Variants in KDM4B observed in about 807,000 individuals in gnomAD.
The protein encoded by KDM4B is lysine-specific demethylase 4B.
A neutral mutation model predicts 125.2 loss-of-function variants in KDM4B; 32 were observed. The observed-to-expected ratio is 0.26, with a 90% CI of 0.19 to 0.34. The LOEUF is 0.34. Among genes scored for constraint, KDM4B ranks in the 10% least tolerant of loss-of-function variants. KDM4B has a pLI of 1.00. For missense variants in KDM4B, 1,190 were observed against 1,577.7 expected (o/e 0.75, Z 4.16); for synonymous variants, 721 against 677.9 (o/e 1.06, Z -0.99).
intron 8 of KDM4B, among the ~76,000 whole-genome samples, chr19:5,079,942 G>A (rs2038235864): frequency 6.6e-6 from 1 of 152,152 alleles, no homozygotes; most frequent in South Asian, 2.1e-4. Flanking sequence ...TCCCAGCGTA[G>A]TGGGGAGAAG....
intron 18 of KDM4B, 60 bp downstream of exon 18, chr19:5,138,130 G>A (rs2039681908): frequency 6.0e-6 from 8 of 1,326,608 alleles, no homozygotes; most frequent in Middle Eastern, 2.0e-4. Flanking sequence ...GGCCATGCTC[G>A]GCTCCCCACC....
intron 1 of KDM4B, among the ~76,000 whole-genome samples, chr19:4,986,165 T>C (rs1476610154): frequency 1.3e-5 from 2 of 152,182 alleles, no homozygotes; most frequent in Non-Finnish European, 2.9e-5. Flanking sequence ...GGGGTCCTGA[T>C]GTGCCCCGTG....
At chr19:5,125,449 T>A (rs2039432319) in intron 11 of KDM4B, among the ~76,000 whole-genome samples, 1 of 152,190 alleles carries the variant, frequency 6.6e-6, no homozygotes, top group South Asian at 2.1e-4. Context: ...GAGAGAAGCC[T>A]ACACCGCGTG....
At chr19:5,132,708 T>G (rs2039580274) in intron 13 of KDM4B, among the ~76,000 whole-genome samples, 1 of 145,936 alleles carries the variant, frequency 6.9e-6, no homozygotes, top group Non-Finnish European at 1.5e-5. Flanking sequence ...CTCTGGGGCC[T>G]CCGTGGACTC....
In KDM4B at chr19:5,135,401, A is replaced by G; in HGVS notation, c.2148A>G (p.Leu716=). 1 of 1,613,400 alleles carries G rather than the reference A, an allele frequency of 6.2e-7. No homozygotes were observed. The highest frequency in any genetic ancestry group is 8.5e-7 in the Non-Finnish European group (1 of 1,179,944). ...ASLGEGCPAT[L]PSKSRQKTRP... ...TCGGAGAGGGCTGCCCGGCCACATT[A>G]CCCTCCAAAAGCCGTCAGAAGACCC... Residue 716 remains leucine (L), a synonymous_variant, in exon 15 of 23, where the codon TTA becomes TTG. Coordinates refer to ENST00000159111, the MANE Select transcript of KDM4B (RefSeq NM_015015.3).
intron 9 of KDM4B, among the ~76,000 whole-genome samples, chr19:5,086,435 G>A (rs1014816074): frequency 2.6e-5 from 4 of 152,204 alleles, no homozygotes; most frequent in South Asian, 4.1e-4. Context: ...TGTGACAGCC[G>A]GACGAAACTG....
chr19:5,032,956 G>A lies in KDM4B; in HGVS notation c.66G>A (p.Met22Ile). 2.5e-6 allele frequency: 4 copies of A among 1,614,180 alleles called. No homozygotes were observed. The highest frequency in any genetic ancestry group is 3.4e-6 in the Non-Finnish European group (4 of 1,180,036). The change falls in exon 3 of 23, where the codon ATG (methionine) becomes ATA (isoleucine). Residue 22 changes from methionine to isoleucine, a missense_variant. Physicochemically the swap from Met to Ile is conservative, Grantham distance 10. Coordinates refer to ENST00000159111, the MANE Select transcript of KDM4B (RefSeq NM_015015.3). ...SCKIMTFRPT[M>I]EEFKDFNKYV... is the part of the protein sequence containing the mutation. ...AAATCATGACGTTTCGCCCAACCAT[G>A]GAAGAATTTAAAGACTTCAACAAAT...
intron 1 of KDM4B, among the ~76,000 whole-genome samples, chr19:5,012,057 T>G (rs115685805): frequency 6.6e-6 from 1 of 152,206 alleles, no homozygotes; most frequent in African/African-American, 2.4e-5. Flanking sequence ...TCCGATGCCT[T>G]GGGCTGTCAC....
intron 6 of KDM4B, among the ~76,000 whole-genome samples, chr19:5,059,572 C>A (rs1210520138): frequency 6.6e-6 from 1 of 152,198 alleles, no homozygotes; most frequent in East Asian, 1.9e-4. Context: ...AGACTTAGGT[C>A]ATAGGAACAG....
chr19:4,984,453 C>T (rs2034757482), intron 1 of KDM4B, among the ~76,000 whole-genome samples: 1 of 152,008 alleles, frequency 6.6e-6, no homozygotes, highest in Non-Finnish European at 1.5e-5. Context: ...ATGGGGCAGC[C>T]AGGTGGGTTG....
Position 5,001,943 on chromosome 19 carries a change from C to T in KDM4B, c.-108-14314C>T, listed in dbSNP as rs190276626. On this transcript the variant is annotated intron_variant, in intron 1 of 22. Transcript: ENST00000159111. ...GACTCTTTCCTCCTAACTTGAAACTCCAATATGTGAACCTCTGTGGTATGT... is the reference window on the plus strand; with the variant it reads ...GACTCTTTCCTCCTAACTTGAAACTTCAATATGTGAACCTCTGTGGTATGT... Among the ~76,000 whole-genome samples, 340 of 151,724 alleles carry T rather than the reference C, an allele frequency of 2.2e-3. 2 individuals carry two copies. Among genetic ancestry groups the T allele is most frequent in the Non-Finnish European group, 2.7e-3 (185 of 67,952 alleles).
At chr19:5,001,438 G>A (rs184569216) in intron 1 of KDM4B, among the ~76,000 whole-genome samples, 3 of 152,318 alleles carry the variant, frequency 2.0e-5, no homozygotes, top group East Asian at 1.9e-4. Context: ...GCACAGCTGC[G>A]TAGTGTTCCT....
intron 1 of KDM4B, among the ~76,000 whole-genome samples, chr19:5,001,926 C>T (rs185353377): frequency 1.1e-4 from 17 of 151,786 alleles, no homozygotes; most frequent in African/African-American, 3.6e-4. Flanking sequence ...TTGACTCTTT[C>T]CTCCTAACTT....
intron 6 of KDM4B, among the ~76,000 whole-genome samples, chr19:5,059,361 C>T (rs2037511000): frequency 6.6e-6 from 1 of 152,244 alleles, no homozygotes; most frequent in Admixed American, 6.5e-5. Flanking sequence ...GGGCCGATGA[C>T]AGCGATGCTA....
At chr19:5,135,251 G>A (rs2039627031) in intron 14 of KDM4B, 88 bp from the exon 15 acceptor site, 1 of 858,084 alleles carries the variant, frequency 1.2e-6, no homozygotes, top group Non-Finnish European at 1.9e-6. Context: ...GTCGAAGCCT[G>A]GGGCAGGTGC....
chr19:5,137,944 C>T lies in KDM4B; in HGVS notation c.2442-18C>T. 6.2e-7 allele frequency: 1 copy of T among 1,600,396 alleles called. No homozygotes were observed. The highest frequency in any genetic ancestry group is 8.5e-7 in the Non-Finnish European group (1 of 1,171,118). ...GTCCTCAGAGGCGCACCTGACCCCG[C>T]TGCACCTGCCCTCCCAGGTGGATCC... is the stretch of plus-strand genomic sequence containing the variant. On this transcript the variant is annotated intron_variant, in intron 17 of 22. Transcript: ENST00000159111.
chr19:5,124,780 C>T (rs895840122), intron 11 of KDM4B, among the ~76,000 whole-genome samples: 3 of 152,056 alleles, frequency 2.0e-5, no homozygotes, highest in African/African-American at 7.2e-5. Context: ...ATTTTTAGTA[C>T]AGACAGGGTT....
intron 1 of KDM4B, among the ~76,000 whole-genome samples, chr19:4,975,852 C>G (rs1029490594): frequency 1.3e-5 from 2 of 151,428 alleles, no homozygotes; most frequent in Non-Finnish European, 2.9e-5. Context: ...CTTGGCCTCC[C>G]AAAGTGCTGG....
Position 5,115,556 on chromosome 19 carries a change from G to A in KDM4B, c.1116-4097G>A, listed in dbSNP as rs2039238861. Among the ~76,000 whole-genome samples the A allele has an allele frequency of 6.6e-6, 1 of 152,212 alleles. No individual in the cohort carries two copies. Among genetic ancestry groups the A allele is most frequent in the African/African-American group, 2.4e-5 (1 of 41,458 alleles). ...CTTCACCAGGCCCAGCTCACACACGGCTTGGCACCGTGCACAGAGGGATCA... is the reference window on the plus strand; with the variant it reads ...CTTCACCAGGCCCAGCTCACACACGACTTGGCACCGTGCACAGAGGGATCA... On this transcript the variant is annotated intron_variant, in intron 10 of 22. Transcript: ENST00000159111. The surrounding 1 kb of genome is among the most constrained non-coding windows in gnomAD (Gnocchi z 4.2).
Sources: gnomAD v4.1 joint callset for allele counts (sites outside exome capture counted in the v4.1 genomes callset) on GRCh38, gnomAD v4.1.1 for gene constraint, Gnocchi (gnomAD v3.1) non-coding constraint, MANE v1.5 for transcripts, NCBI Gene and HGNC (gene_info 2026-07-23, HGNC 2026-07-21) for gene names.